IL12RB2: variants seen among roughly 807,000 people sequenced by gnomAD.
The protein encoded by IL12RB2 is interleukin 12 receptor subunit beta 2.
IL12RB2 carries 82 observed loss-of-function variants against 89.4 expected under a neutral mutation model. The ratio of observed to expected loss-of-function variants is 0.92; its 90% CI spans 0.77 to 1.10. The LOEUF (loss-of-function observed/expected upper bound fraction) is 1.10. Ranked by LOEUF, IL12RB2 falls within the 50% of genes least tolerant of loss-of-function variation. The pLI, the probability that IL12RB2 is intolerant of heterozygous loss-of-function variation, is 0.00. For missense variants in IL12RB2, 963 were observed against 1,031.9 expected (o/e 0.93, Z 0.92); for synonymous variants, 368 against 370.1 (o/e 0.99, Z 0.07).
intron 1 of IL12RB2, among the ~76,000 whole-genome samples, chr1:67,310,495 A>G (rs1654902524): frequency 6.6e-6 from 1 of 152,192 alleles, no homozygotes; most frequent in African/African-American, 2.4e-5. Flanking sequence ...ATCTAGTTTT[A>G]ATCAAATCAG....
intron 2 of IL12RB2, among the ~76,000 whole-genome samples, 175 bp downstream of exon 2, chr1:67,314,175 G>T (rs1282757416): frequency 3.9e-5 from 6 of 152,192 alleles, no homozygotes; most frequent in Non-Finnish European, 8.8e-5. Flanking sequence ...GAAGGGAGCA[G>T]CAGGGCACAG....
At chr1:67,308,313 CG>C (rs1654550722) in intron 1 of IL12RB2, among the ~76,000 whole-genome samples, 2 of 151,818 alleles carry the variant, frequency 1.3e-5, no homozygotes, top group Non-Finnish European at 2.9e-5. Flanking sequence ...AGGGAGGGGA[CG>C]GCGACTGGAA....
At chr1:67,330,953 T>C in intron 8 of IL12RB2, 143 bp downstream of exon 8, 1 of 688,310 alleles carries the variant, frequency 1.5e-6, no homozygotes. Context: ...CAAGTTAATT[T>C]TTATATTAAC....
Position 67,396,047 on chromosome 1 carries a change from T to G in IL12RB2, c.2547T>G (p.Thr849=). 1 of 1,609,848 alleles carries G rather than the reference T, an allele frequency of 6.2e-7. No individual in the cohort carries two copies. Among genetic ancestry groups the G allele is most frequent in the Non-Finnish European group, 8.5e-7 (1 of 1,176,028 alleles). Residue 849 remains threonine, a synonymous_variant, in exon 17 of 17, where the codon ACT becomes ACG. Coordinates refer to ENST00000674203, the MANE Select transcript of IL12RB2 (RefSeq NM_001374259.2). ...PLTFSCGDKL[T]LDQLKMRCDS... is the part of the protein sequence containing the mutation. ...CCTTCTCCTGTGGTGATAAGCTGACTCTGGATCAGTTAAAGATGAGGTGTG... is the reference window on the plus strand; with the variant it reads ...CCTTCTCCTGTGGTGATAAGCTGACGCTGGATCAGTTAAAGATGAGGTGTG...
chr1:67,337,219 T>C (rs1193295624), intron 8 of IL12RB2, among the ~76,000 whole-genome samples: 1 of 152,188 alleles, frequency 6.6e-6, no homozygotes, highest in African/African-American at 2.4e-5. Flanking sequence ...GACTTAATTT[T>C]CTAGAAATTT....
At chr1:67,393,014 T>C (rs1417084707) in intron 16 of IL12RB2, among the ~76,000 whole-genome samples, 1 of 152,206 alleles carries the variant, frequency 6.6e-6, no homozygotes, top group Non-Finnish European at 1.5e-5. Context: ...AGCTTAAATA[T>C]GGCCTCGAGG....
intron 14 of IL12RB2, among the ~76,000 whole-genome samples, chr1:67,385,390 C>A (rs1313066329): frequency 1.3e-5 from 2 of 152,152 alleles, no homozygotes; most frequent in Non-Finnish European, 2.9e-5. Flanking sequence ...GGGGTAACTG[C>A]CCCCATGATT....
In IL12RB2 at chr1:67,386,658, C is replaced by T; in HGVS notation, c.1935C>T (p.Tyr645=). The T allele has an allele frequency of 1.9e-6, 3 of 1,607,848 alleles. No individual in the cohort carries two copies. The highest frequency in any genetic ancestry group is 2.6e-6 in the Non-Finnish European group (3 of 1,174,412). The part of the protein sequence containing the change: ...IIMVGIFSTH[Y]FQQKVFVLLA... ...TGGTGGGCATTTTCTCAACGCATTA[C>T]TTCCAGCAAAAGTGAGTTGGTTACA... The change falls in exon 15 of 17, where the codon TAC becomes TAT. Residue 645 remains tyrosine (Y), a synonymous_variant. Transcript: ENST00000674203.
rs1244826359 is a variant in IL12RB2, at chr1:67,397,985, A to G, written c.*1896A>G. On this transcript the variant is annotated 3_prime_UTR_variant, in exon 17 of 17. Transcript: ENST00000674203. ...GAGCTCTAGAAACTGAGCGATGGAC[A>G]GTTGCTCTGCTTCTTCAGGTTGGAA... Among the ~76,000 whole-genome samples, 7 of 152,262 alleles carry G rather than the reference A, an allele frequency of 4.6e-5. No homozygotes were observed. The highest frequency in any genetic ancestry group is 1.7e-4 in the African/African-American group (7 of 41,474).
intron 14 of IL12RB2, 93 bp downstream of exon 14, chr1:67,380,216 C>T: frequency 7.4e-7 from 1 of 1,357,104 alleles, no homozygotes; most frequent in Non-Finnish European, 1.0e-6. Flanking sequence ...ATCAGATTTT[C>T]TTTAATTCAC....
At chr1:67,392,353 T>A (rs936389882) in intron 16 of IL12RB2, among the ~76,000 whole-genome samples, 4 of 152,092 alleles carry the variant, frequency 2.6e-5, no homozygotes, top group African/African-American at 9.7e-5. Context: ...ACTAAAAAAA[T>A]GACATAGATC....
At chr1:67,322,720 G>A (rs899196317) in intron 4 of IL12RB2, among the ~76,000 whole-genome samples, 1 of 152,176 alleles carries the variant, frequency 6.6e-6, no homozygotes, top group East Asian at 1.9e-4. Flanking sequence ...CACCTGACGG[G>A]GGCTCAGTTT....
chr1:67,315,045 T>C lies in IL12RB2; in HGVS notation c.-37+1045T>C, dbSNP rs910606648. ...GGAAGATACCTCATTTACTTGAAGG[T>C]CTTTGGGGATTCTGAACTTCTCATA... On this transcript the variant is annotated intron_variant, in intron 2 of 16. Transcript: ENST00000674203. 3.3e-5 allele frequency among the ~76,000 whole-genome samples: 5 copies of C among 152,304 alleles called. No homozygotes were observed. The South Asian group carries it at 8.3e-4, about 25-fold the overall frequency.
At chr1:67,317,087 C>G (rs1655874426) in intron 2 of IL12RB2, among the ~76,000 whole-genome samples, 1 of 152,008 alleles carries the variant, frequency 6.6e-6, no homozygotes, top group Admixed American at 6.6e-5. Context: ...CTCACCCAGT[C>G]TAAAAATAGT....
chr1:67,313,311 G>A lies in IL12RB2; in HGVS notation c.-124-602G>A, dbSNP rs533293000. On this transcript the variant is annotated intron_variant, in intron 1 of 16. Coordinates refer to ENST00000674203, the MANE Select transcript of IL12RB2 (RefSeq NM_001374259.2). Reference sequence around the variant, plus strand: ...CTCAGAAGTAATGAGTCAACCTTCTGAAGAGTAAAGCATTAGGCATTATAA... The same window carrying A: ...CTCAGAAGTAATGAGTCAACCTTCTAAAGAGTAAAGCATTAGGCATTATAA... Among the ~76,000 whole-genome samples, 151 of 152,298 alleles carry A rather than the reference G, an allele frequency of 9.9e-4. 1 individual carries two copies. The highest frequency in any genetic ancestry group is 1.0e-3 in the Non-Finnish European group (71 of 68,022).
chr1:67,356,670 G>T (rs17838056), intron 10 of IL12RB2, among the ~76,000 whole-genome samples: 11 of 152,148 alleles, frequency 7.2e-5, no homozygotes, highest in African/African-American at 2.7e-4. Flanking sequence ...TTTCCAAGCT[G>T]AAAAGCCCTC....
In IL12RB2 at chr1:67,398,129, C is replaced by T. The variant is rs541003853; in HGVS notation, c.*2040C>T. On this transcript the variant is annotated 3_prime_UTR_variant, in exon 17 of 17. Coordinates refer to ENST00000674203, the MANE Select transcript of IL12RB2 (RefSeq NM_001374259.2). Reference sequence around the variant, plus strand: ...TCCACTCTATTTAGCTATTATTGTGCGGCACCCCCAATGGTTCCTTTCCTC... The same window carrying T: ...TCCACTCTATTTAGCTATTATTGTGTGGCACCCCCAATGGTTCCTTTCCTC... Among the ~76,000 whole-genome samples, 7 of 152,132 alleles carry T rather than the reference C, an allele frequency of 4.6e-5. No homozygotes were observed. Among genetic ancestry groups the T allele is most frequent in the African/African-American group, 9.6e-5 (4 of 41,482 alleles).
intron 10 of IL12RB2, among the ~76,000 whole-genome samples, chr1:67,353,794 T>G (rs1426507534): frequency 1.3e-5 from 2 of 152,232 alleles, no homozygotes; most frequent in Non-Finnish European, 2.9e-5. Context: ...TGTGGTTCTA[T>G]TCTGCTGTTT....
intron 16 of IL12RB2, 68 bp downstream of exon 16, chr1:67,390,196 G>C (rs772109273): frequency 2.1e-4 from 179 of 834,886 alleles, no homozygotes; most frequent in Non-Finnish European, 3.5e-4. Context: ...GTTTTCCATT[G>C]TAGTTACGAG....
Sources: gnomAD v4.1 joint callset for allele counts (sites outside exome capture counted in the v4.1 genomes callset) on GRCh38, gnomAD v4.1.1 for gene constraint, MANE v1.5 for transcripts, NCBI Gene and HGNC (gene_info 2026-07-23, HGNC 2026-07-21) for gene names.